CLNK: variants seen among roughly 807,000 people sequenced by gnomAD.
CLNK encodes cytokine dependent hematopoietic cell linker, also known as cytokine-dependent hematopoietic cell linker.
CLNK carries 74 observed loss-of-function variants against 68.6 expected under a neutral mutation model. The observed-to-expected ratio is 1.08, with a 90% CI of 0.89 to 1.31. The LOEUF is 1.31. Ranked by LOEUF, CLNK falls within the 50% of genes most tolerant of loss-of-function variation. CLNK has a pLI of 0.00. For synonymous variants in CLNK, 198 were observed against 172.2 expected (o/e 1.15, Z -1.17); for missense variants, 553 against 515.3 (o/e 1.07, Z -0.71).
At chr4:10,711,552 G>A in the CLNK span, among the ~76,000 whole-genome samples, 2 of 152,046 alleles carry the variant, frequency 1.3e-5, no homozygotes, top group Non-Finnish European at 1.5e-5. Flanking sequence ...TAGAAACACT[G>A]GTTTAGCCCA....
At chr4:10,566,955 C>T (rs1720144409) in intron 5 of CLNK, among the ~76,000 whole-genome samples, 1 of 151,998 alleles carries the variant, frequency 6.6e-6, no homozygotes, top group Non-Finnish European at 1.5e-5. Context: ...ATAGTAATTT[C>T]AGAAGACCTA....
intron 4 of CLNK, among the ~76,000 whole-genome samples, chr4:10,575,843 A>T (rs914528442): frequency 2.0e-5 from 3 of 152,130 alleles, no homozygotes; most frequent in Non-Finnish European, 4.4e-5. Flanking sequence ...GAAGAAATAA[A>T]CCTTTATTAT....
At chr4:10,650,620 TTA>T (rs1342591511) in intron 2 of CLNK, among the ~76,000 whole-genome samples, 1 of 152,134 alleles carries the variant, frequency 6.6e-6, no homozygotes, top group Non-Finnish European at 1.5e-5. Flanking sequence ...CAATCTGAAA[TTA>T]TATGTCTAAT....
intron 7 of CLNK, among the ~76,000 whole-genome samples, chr4:10,564,404 G>C (rs746390900): frequency 5.9e-5 from 9 of 152,192 alleles, no homozygotes; most frequent in Non-Finnish European, 1.2e-4. Context: ...CATTAGATGA[G>C]ATGCATGTCA....
chr4:10,733,049 G>C, the CLNK span, among the ~76,000 whole-genome samples: 2 of 152,124 alleles, frequency 1.3e-5, no homozygotes, highest in Non-Finnish European at 2.9e-5. Flanking sequence ...TCAATGTAGA[G>C]GGAAAATAAT....
the CLNK span, chr4:10,697,530 G>A: frequency 1.3e-5 from 2 of 152,132 alleles, no homozygotes; most frequent in East Asian, 1.9e-4. Flanking sequence ...GGATTATGGC[G>A]ATGGATGACA....
At chr4:10,653,207 G>A (rs949530963) in intron 2 of CLNK, among the ~76,000 whole-genome samples, 7 of 152,066 alleles carry the variant, frequency 4.6e-5, no homozygotes, top group African/African-American at 1.7e-4. Flanking sequence ...GGGGGCTAGG[G>A]GAGGGATAGA....
At chr4:10,712,022 C>T in the CLNK span, among the ~76,000 whole-genome samples, 1 of 152,256 alleles carries the variant, frequency 6.6e-6, no homozygotes, top group South Asian at 2.1e-4. Flanking sequence ...TCTGCTAGAT[C>T]ACATGCAGAA....
At chr4:10,613,712 A>G (rs1189989156) in intron 2 of CLNK, among the ~76,000 whole-genome samples, 2 of 152,182 alleles carry the variant, frequency 1.3e-5, no homozygotes, top group African/African-American at 4.8e-5. Context: ...AGGAGATGGA[A>G]CAGGGTGGGA....
At chr4:10,604,472 G>A (rs1363791075) in intron 2 of CLNK, among the ~76,000 whole-genome samples, 1 of 152,154 alleles carries the variant, frequency 6.6e-6, no homozygotes, top group Non-Finnish European at 1.5e-5. Context: ...GCAACTAAAG[G>A]AAGGTTCTGG....
chr4:10,670,760 AG>A (rs1023628804), intron 1 of CLNK, among the ~76,000 whole-genome samples: 22 of 152,334 alleles, frequency 1.4e-4, no homozygotes, highest in African/African-American at 5.1e-4. Context: ...TGGTTTCAAA[AG>A]TTAGAGTATG....
chr4:10,643,210 T>C (rs916014487), intron 2 of CLNK, among the ~76,000 whole-genome samples: 1 of 152,216 alleles, frequency 6.6e-6, no homozygotes, highest in Non-Finnish European at 1.5e-5. Flanking sequence ...TACTCCTCCC[T>C]GTGATGGCTG....
chr4:10,698,396 C>T, the CLNK span, among the ~76,000 whole-genome samples: 1 of 152,086 alleles, frequency 6.6e-6, no homozygotes, highest in South Asian at 2.1e-4. Context: ...CATTATTACG[C>T]CCTTAGTAAA....
At chr4:10,516,677 C>T (rs763084111) in intron 15 of CLNK, among the ~76,000 whole-genome samples, 8 of 152,012 alleles carry the variant, frequency 5.3e-5, no homozygotes, top group African/African-American at 1.7e-4. Context: ...CTCAGCCTCC[C>T]GAGTAGCTGG....
At chr4:10,516,309 A>G (rs1717834024) in intron 15 of CLNK, among the ~76,000 whole-genome samples, 1 of 152,240 alleles carries the variant, frequency 6.6e-6, no homozygotes. Flanking sequence ...TCTAAAAAAC[A>G]TAACCAAAGT....
chr4:10,629,842 G>A (rs1722816606), intron 2 of CLNK, among the ~76,000 whole-genome samples: 2 of 152,288 alleles, frequency 1.3e-5, no homozygotes, highest in South Asian at 4.1e-4. Context: ...AACAGCCACA[G>A]TCTCTCTCAA....
At chr4:10,595,687 G>A (rs1327318728) in intron 3 of CLNK, among the ~76,000 whole-genome samples, 1 of 152,076 alleles carries the variant, frequency 6.6e-6, no homozygotes, top group African/African-American at 2.4e-5. Context: ...GAGCACCAGG[G>A]TTGTTGATAT....
chr4:10,556,637 T>C (rs982098914), intron 8 of CLNK, among the ~76,000 whole-genome samples: 1 of 152,192 alleles, frequency 6.6e-6, no homozygotes, highest in African/African-American at 2.4e-5. Context: ...ACAAAGCATA[T>C]TATTATGACT....
rs547503561 is a variant in CLNK at position 10,585,263 on chromosome 4, ATATAGGTAGTGTTAAATCAAGCT to A, written c.84-331_84-309del. ...AAGATGTATGCATACATTTAAACAC[ATATAGGTAGTGTTAAATCAAGCT>A]TAGCCTAAAGCTGCCTCCTTACATA... is the stretch of plus-strand genomic sequence containing the variant. On this transcript the variant is annotated intron_variant, in intron 3 of 18. Transcript: ENST00000226951. 1.7e-4 allele frequency among the ~76,000 whole-genome samples: 26 copies of A among 152,358 alleles called. No homozygotes were observed. The East Asian group carries it at 5.0e-3, about 29-fold the overall frequency.
Sources: allele counts gnomAD v4.1 joint callset (sites outside exome capture counted in the v4.1 genomes callset), GRCh38; gene constraint gnomAD v4.1.1; transcripts MANE v1.5; gene names NCBI Gene and HGNC (gene_info 2026-07-23, HGNC 2026-07-21).